Variants in PRPF6 observed in about 807,000 individuals in gnomAD.
PRPF6 encodes the protein pre-mRNA-processing factor 6.
Under a neutral mutation model 118.3 loss-of-function variants are expected in PRPF6, and 42 were observed. The ratio of observed to expected loss-of-function variants is 0.35; its 90% CI spans 0.28 to 0.46. PRPF6 has a LOEUF of 0.46. PRPF6 is among the 20% of genes least tolerant of loss of function. The pLI, the probability that PRPF6 is intolerant of heterozygous loss-of-function variation, is 1.00. For missense variants in PRPF6, 662 were observed against 1,255.7 expected (o/e 0.53, Z 7.15); for synonymous variants, 481 against 485.1 (o/e 0.99, Z 0.11).
Position 64,010,197 on chromosome 20 carries a change from T to C in PRPF6, c.1187-3T>C. On this transcript the variant is annotated splice_region_variant and splice_polypyrimidine_tract_variant and intron_variant, in intron 9 of 20. Transcript: ENST00000266079. ...ACGTGGTTTCTCGTTTGACCTTTCC[T>C]AGCCCTCGAGCATGTTCCAAACTCG... is the stretch of plus-strand genomic sequence containing the variant. The C allele has an allele frequency of 6.2e-7, 1 of 1,613,458 alleles. No individual in the cohort carries two copies. The highest frequency in any genetic ancestry group is 8.5e-7 in the Non-Finnish European group (1 of 1,179,384).
chr20:64,003,496 TCCCCCGACCCTG>T (rs2059176724), intron 9 of PRPF6, among the ~76,000 whole-genome samples: 1 of 152,204 alleles, frequency 6.6e-6, no homozygotes, highest in Non-Finnish European at 1.5e-5. Flanking sequence ...TGATGCATGT[TCCCCCGACCCTG>T]TGCACTCACA....
Position 64,016,783 on chromosome 20 carries a change from G to C in PRPF6, c.1585G>C (p.Val529Leu). 1 of 1,614,188 alleles carries C rather than the reference G, an allele frequency of 6.2e-7. No homozygotes were observed. The highest frequency in any genetic ancestry group is 1.3e-5 in the African/African-American group (1 of 75,052). The change falls in exon 12 of 21, where the codon GTG becomes CTG. Residue 529 changes from valine (V) to leucine (L), a missense_variant. By Grantham distance (32) the Val-to-Leu change is conservative. Around this residue, in one of 10 missense-constraint regions of PRPF6, gnomAD observed 189 missense variants for 323.5 expected, o/e 0.58. Coordinates refer to ENST00000266079, the MANE Select transcript of PRPF6 (RefSeq NM_012469.4). ...VATCQAVMRA[V>L]IGIGIEEEDR... ...CACCTGCCAGGCCGTCATGCGTGCC[G>C]TGATTGGGATTGGGATTGAGGAGGA...
chr20:63,997,288 CTTTTTT>C (rs928046111), intron 6 of PRPF6, among the ~76,000 whole-genome samples: 1 of 112,712 alleles, frequency 8.9e-6, no homozygotes, highest in South Asian at 3.1e-4. Context: ...TCAGCATGTT[CTTTTTT>C]TTTTTTTTTT....
In PRPF6 at chr20:64,028,689, G is replaced by C; in HGVS notation, c.2431+120G>C. 1 of 1,045,040 alleles carries C rather than the reference G, an allele frequency of 9.6e-7. No homozygotes were observed. Among genetic ancestry groups the C allele is most frequent in the South Asian group, 1.3e-5 (1 of 74,858 alleles). 64.7% of individuals were successfully genotyped at this position (1,045,040 alleles called of 1,614,324 possible). A position where few individuals can be genotyped will look rare whatever the true frequency, so the allele number is the denominator to read the frequency against. On this transcript the variant is annotated intron_variant, in intron 18 of 20. Transcript: ENST00000266079. This position sits in a 1 kb window ranked among gnomAD's most constrained non-coding sequence, Gnocchi z 6.5. ...CTCCGCAGGGCTGGCACTTCCTGAG[G>C]GAGTGGGGGCTCAGGCTTCAGACGG...
chr20:64,030,322 G>A (rs976719041), intron 19 of PRPF6, among the ~76,000 whole-genome samples: 1 of 152,198 alleles, frequency 6.6e-6, no homozygotes, highest in African/African-American at 2.4e-5. Flanking sequence ...GAGGTGGCGT[G>A]TCTGGCCCCA....
chr20:63,989,792 C>T (rs750778220), intron 3 of PRPF6, among the ~76,000 whole-genome samples: 1 of 151,852 alleles, frequency 6.6e-6, no homozygotes, highest in South Asian at 2.1e-4. Context: ...GGATTACAGA[C>T]GTGAGCCACT....
At chr20:64,004,241 G>A (rs1338480762) in intron 9 of PRPF6, among the ~76,000 whole-genome samples, 1 of 152,204 alleles carries the variant, frequency 6.6e-6, no homozygotes. Flanking sequence ...TGTTCTCTCA[G>A]GGAGTGGCCT....
intron 2 of PRPF6, among the ~76,000 whole-genome samples, chr20:63,984,078 G>C (rs768321523): frequency 2.6e-5 from 4 of 152,176 alleles, no homozygotes; most frequent in Non-Finnish European, 4.4e-5. Flanking sequence ...CCGATTAACT[G>C]TCTTCTAACA....
intron 11 of PRPF6, among the ~76,000 whole-genome samples, chr20:64,013,993 G>A (rs2059226765): frequency 6.6e-6 from 1 of 151,608 alleles, no homozygotes. Context: ...GGAGTGTATG[G>A]TGCAATCAAT....
intron 9 of PRPF6, 21 bp downstream of exon 9, chr20:64,001,260 C>G: frequency 6.2e-7 from 1 of 1,614,048 alleles, no homozygotes; most frequent in Non-Finnish European, 8.5e-7. Context: ...CTCGGAGGTG[C>G]TGCTTTCTCC....
chr20:63,985,190 T>A (rs2059087950), intron 3 of PRPF6, among the ~76,000 whole-genome samples, 165 bp downstream of exon 3: 1 of 152,010 alleles, frequency 6.6e-6, no homozygotes, highest in African/African-American at 2.4e-5. Flanking sequence ...GTAGGGAGAC[T>A]TAATCTCTAC....
In PRPF6 at chr20:64,031,908, G is replaced by C; in HGVS notation, c.2547-10G>C. The C allele has an allele frequency of 6.2e-7, 1 of 1,614,070 alleles. No individual in the cohort carries two copies. The highest frequency in any genetic ancestry group is 8.5e-7 in the Non-Finnish European group (1 of 1,180,004). ...ACTCACTCTGGGTTCACGTCCTTCT[G>C]CTGGAACAGGCTGTTTTGGAGTCAG... On this transcript the variant is annotated splice_polypyrimidine_tract_variant and intron_variant, in intron 19 of 20. Coordinates refer to ENST00000266079, the MANE Select transcript of PRPF6 (RefSeq NM_012469.4).
chr20:64,009,303 A>AG (rs1491398220), intron 9 of PRPF6, among the ~76,000 whole-genome samples: 1 of 146,682 alleles, frequency 6.8e-6, no homozygotes, highest in Non-Finnish European at 1.5e-5. Flanking sequence ...AAAAAAAAAA[A>AG]GAGAGGTATT....
chr20:64,005,526 G>GCC (rs1265258834), intron 9 of PRPF6, among the ~76,000 whole-genome samples: 1 of 152,074 alleles, frequency 6.6e-6, no homozygotes, highest in African/African-American at 2.4e-5. Flanking sequence ...TTACTGCTGT[G>GCC]CCCTCTGCTG....
chr20:64,004,797 T>A (rs2059182434), intron 9 of PRPF6, among the ~76,000 whole-genome samples: 2 of 152,190 alleles, frequency 1.3e-5, no homozygotes, highest in Admixed American at 1.3e-4. Context: ...GACTGGCAGC[T>A]CCCCTACAAT....
chr20:64,016,900 C>T, intron 12 of PRPF6, 55 bp downstream of exon 12: 1 of 1,606,796 alleles, frequency 6.2e-7, no homozygotes, highest in East Asian at 2.2e-5. Flanking sequence ...CTTGTGGGAA[C>T]AGCAGGCACC....
At chr20:64,032,173 G>A in intron 20 of PRPF6, 129 bp downstream of exon 20, 1 of 1,427,158 alleles carries the variant, frequency 7.0e-7, no homozygotes, top group Non-Finnish European at 9.7e-7. Flanking sequence ...GGATGGACCG[G>A]GTGTGTGGGG....
intron 13 of PRPF6, 130 bp downstream of exon 13, chr20:64,023,008 G>A: frequency 1.4e-6 from 2 of 1,407,092 alleles, no homozygotes; most frequent in Non-Finnish European, 2.0e-6. Flanking sequence ...CCCTCTGGTT[G>A]TGATGAAGGA....
intron 12 of PRPF6, among the ~76,000 whole-genome samples, chr20:64,019,483 G>GT: frequency 6.6e-6 from 1 of 152,182 alleles, no homozygotes; most frequent in South Asian, 2.1e-4. Flanking sequence ...GGAGGACAGT[G>GT]TTTTCTGTGC....
Sources: allele counts gnomAD v4.1 joint callset (sites outside exome capture counted in the v4.1 genomes callset), GRCh38; gene constraint gnomAD v4.1.1; regional missense constraint gnomAD v4.1.1; non-coding constraint Gnocchi (gnomAD v3.1); transcripts MANE v1.5; gene names NCBI Gene and HGNC (gene_info 2026-07-23, HGNC 2026-07-21).